The following SCRIB variants were observed in gnomAD, a reference collection of about 807,000 sequenced individuals.
SCRIB encodes the protein scribble planar cell polarity protein.
A neutral mutation model predicts 170.0 loss-of-function variants in SCRIB; 72 were observed. The observed-to-expected ratio is 0.42, with a 90% CI of 0.35 to 0.52. The LOEUF (loss-of-function observed/expected upper bound fraction) is 0.52. Ranked by LOEUF, SCRIB falls within the 20% of genes least tolerant of loss-of-function variation. SCRIB has a pLI of 0.02. For synonymous variants in SCRIB, 1,298 were observed against 1,044.3 expected, an observed-to-expected ratio of 1.24 and a Z score of -4.68; for missense variants, 2,475 against 2,338.5, an observed-to-expected ratio of 1.06 and a Z score of -1.20.
In SCRIB at chr8:143,813,649, C is replaced by G. The variant is rs776890601; in HGVS notation, c.434G>C (p.Gly145Ala). 6.2e-7 allele frequency: 1 copy of G among 1,613,390 alleles called. No homozygotes were observed. Among genetic ancestry groups the G allele is most frequent in the South Asian group, 1.1e-5 (1 of 91,086 alleles). The change falls in exon 4 of 37, where the codon GGG becomes GCG. Residue 145 changes from glycine to alanine, a missense_variant. Coordinates refer to ENST00000356994, the MANE Select transcript of SCRIB (RefSeq NM_182706.5). ...LNDVSLQALP[G>A]DVGNLANLVT... ...AGAAGGCACTCACTTGCCCACGTCCCCGGGCAGTGCCTGCAGAGACACATC... is the reference window on the plus strand; with the variant it reads ...AGAAGGCACTCACTTGCCCACGTCCGCGGGCAGTGCCTGCAGAGACACATC...
rs1815561691 is a variant in SCRIB, at chr8:143,808,816, C to T, written c.1908G>A (p.Gly636=). 1.2e-6 allele frequency: 2 copies of T among 1,612,126 alleles called. No individual in the cohort carries two copies. The highest frequency in any genetic ancestry group is 2.2e-5 in the East Asian group (1 of 44,874). The change falls in exon 15 of 37, where the codon GGG becomes GGA. Residue 636 remains glycine (G), a synonymous_variant. Transcript: ENST00000356994. ...VALLQGMQPD[G]EGPVAPGGWH... ...AGCCCCCGGGAGCCACAGGGCCCTC[C>T]CCATCAGGCTGCATGCCCTGCAGCA... is the stretch of plus-strand genomic sequence containing the variant.
At chr8:143,808,202 A>C (rs1815518612) in intron 15 of SCRIB, among the ~76,000 whole-genome samples, 1 of 152,316 alleles carries the variant, frequency 6.6e-6, no homozygotes. Context: ...GGAGACCCAC[A>C]AAGAGTGGGC....
Position 143,804,708 on chromosome 8 carries a change from TGGGA to T in SCRIB, c.2865_2868del (p.Pro956AlafsTer18), listed in dbSNP as rs1554635930. 2 of 1,582,650 alleles carry T rather than the reference TGGGA, an allele frequency of 1.3e-6. No individual in the cohort carries two copies. The highest frequency in any genetic ancestry group is 1.7e-6 in the Non-Finnish European group (2 of 1,163,528). ...GGGGGTGAGGAATGTGGCAGAGGGC[TGGGA>T]GGAAGAGGGCCCCCAGCCTCCCGCT... is the stretch of plus-strand genomic sequence containing the variant. On this transcript the variant is annotated frameshift_variant, in exon 21 of 37. Coordinates refer to ENST00000356994, the MANE Select transcript of SCRIB (RefSeq NM_182706.5). LOFTEE classifies it high-confidence loss of function.
rs782754254 is a variant in SCRIB at position 143,804,763 on chromosome 8, G to A, written c.2814C>T (p.Ala938=). The A allele has an allele frequency of 3.1e-6, 5 of 1,604,530 alleles. No individual in the cohort carries two copies. The highest frequency in any genetic ancestry group is 1.7e-4 in the Middle Eastern group (1 of 6,048). The change falls in exon 21 of 37, where the codon GCC becomes GCT. Residue 938 remains alanine (A), a synonymous_variant. Coordinates refer to ENST00000356994, the MANE Select transcript of SCRIB (RefSeq NM_182706.5). ...HDHAVSLLTA[A]SPTIALLLER... The stretch of plus-strand genomic sequence containing the variant: ...CCAACAGCAGGGCGATGGTGGGGGA[G>A]GCAGCGGTCAGCAGGGAGACGGCGT...
rs893076211 is a variant in SCRIB, at chr8:143,807,673, G to A, written c.2116-59C>T. 3.4e-5 allele frequency: 43 copies of A among 1,253,810 alleles called. No homozygotes were observed. The East Asian group carries it at 7.6e-4, about 22-fold the overall frequency. The allele number at this position is 1,253,810 out of a possible 1,614,324, so 77.7% of individuals were successfully genotyped here. A position where few individuals can be genotyped will look rare whatever the true frequency, so the allele number is the denominator to read the frequency against. On this transcript the variant is annotated intron_variant, in intron 15 of 36. Transcript: ENST00000356994. ...AGCCACCGCCAAGACCACCACCACC[G>A]CCTCACCCAGCCCCCGCCACAAGCA...
intron 13 of SCRIB, 66 bp from the exon 14 acceptor site, chr8:143,809,784 C>T (rs947870614): frequency 3.9e-6 from 6 of 1,555,048 alleles, no homozygotes; most frequent in Middle Eastern, 1.7e-4. Flanking sequence ...ACCTGGGATG[C>T]CCCCCACGTG....
chr8:143,809,138 A>C, intron 14 of SCRIB, 113 bp from the exon 15 acceptor site: 5 of 1,374,536 alleles, frequency 3.6e-6, no homozygotes, highest in Non-Finnish European at 4.9e-6. Flanking sequence ...CCGCCACACA[A>C]AGACTCAGCA....
intron 24 of SCRIB, among the ~76,000 whole-genome samples, chr8:143,801,906 G>T (rs1248293339): frequency 6.6e-6 from 1 of 152,194 alleles, no homozygotes; most frequent in South Asian, 2.1e-4. Flanking sequence ...CGGCAGGCTC[G>T]TGGGGGACCC....
At position 143,813,023 on chromosome 8, in the gene SCRIB, G is replaced by T. The variant is rs1194683616; in HGVS notation, c.642+7C>A. ...CGAAGCAGGGGGCCAGCCCCACCCTGACTCACCGGGGGCAGTGCTGACAGC... is the reference window on the plus strand; with the variant it reads ...CGAAGCAGGGGGCCAGCCCCACCCTTACTCACCGGGGGCAGTGCTGACAGC... On this transcript the variant is annotated splice_region_variant and intron_variant, in intron 7 of 36. Coordinates refer to ENST00000356994, the MANE Select transcript of SCRIB (RefSeq NM_182706.5). 1 of 1,604,098 alleles carries T rather than the reference G, an allele frequency of 6.2e-7. No individual in the cohort carries two copies. Among genetic ancestry groups the T allele is most frequent in the East Asian group, 2.2e-5 (1 of 44,472 alleles).
chr8:143,797,442 G>C (rs1814989857), intron 24 of SCRIB, among the ~76,000 whole-genome samples: 1 of 152,146 alleles, frequency 6.6e-6, no homozygotes, highest in African/African-American at 2.4e-5. Flanking sequence ...CCACCTCGGG[G>C]CCCGCTCAGA....
At chr8:143,800,033 C>A (rs551731356) in intron 24 of SCRIB, among the ~76,000 whole-genome samples, 7 of 123,474 alleles carry the variant, frequency 5.7e-5, no homozygotes, top group African/African-American at 8.9e-5. Context: ...TTGAAGCCCC[C>A]CCCCCACCCC....
rs777906611 is a variant in SCRIB at position 143,810,518 on chromosome 8, A to G, written c.1491T>C (p.Pro497=). Residue 497 remains proline (P), a synonymous_variant, in exon 13 of 37, where the codon CCT becomes CCC. Coordinates refer to ENST00000356994, the MANE Select transcript of SCRIB (RefSeq NM_182706.5). ...AGGGCGACCCAGAGTCTGGCTGGCAAGGGCAGGCCTCGCTCCGCCGCCCCT... is the reference window on the plus strand; with the variant it reads ...AGGGCGACCCAGAGTCTGGCTGGCAGGGGCAGGCCTCGCTCCGCCGCCCCT... The part of the protein sequence containing the change: ...SIEGRRSEAC[P]CQPDSGSPLP... The G allele has an allele frequency of 3.1e-6, 5 of 1,612,356 alleles. No homozygotes were observed. In the African/African-American group the frequency reaches 5.3e-5, roughly 17 times the overall value.
In SCRIB at chr8:143,809,026, C is replaced by T; in HGVS notation, c.1699-1G>A. 6.2e-7 allele frequency: 1 copy of T among 1,608,074 alleles called. No homozygotes were observed. Among genetic ancestry groups the T allele is most frequent in the Non-Finnish European group, 8.5e-7 (1 of 1,177,410 alleles). On this transcript the variant is annotated splice_acceptor_variant, in intron 14 of 36. Transcript: ENST00000356994. LOFTEE classifies it high-confidence loss of function. ...CGTCCTCTGCGAAATGCACCGTGGG[C>T]TGTGCGGACAAAAGGGTGAGGGTGG...
Position 143,804,918 on chromosome 8 carries a change from C to A in SCRIB, c.2751+16G>T. 1 of 1,537,672 alleles carries A rather than the reference C, an allele frequency of 6.5e-7. No homozygotes were observed. The highest frequency in any genetic ancestry group is 8.7e-7 in the Non-Finnish European group (1 of 1,147,730). On this transcript the variant is annotated intron_variant, in intron 20 of 36. Transcript: ENST00000356994. The stretch of plus-strand genomic sequence containing the variant: ...GGGGGGATGGGTGGGTGGGGCGGGG[C>A]CCCATCCCCACTCACAGAGAGGACG...
At position 143,791,048 on chromosome 8, in the gene SCRIB, G is replaced by T; in HGVS notation, c.*115C>A. The T allele has an allele frequency of 8.7e-7, 1 of 1,152,610 alleles. No homozygotes were observed. Among genetic ancestry groups the T allele is most frequent in the South Asian group, 3.2e-5 (1 of 31,662 alleles). 71.4% of individuals were successfully genotyped at this position (1,152,610 alleles called of 1,614,324 possible). On this transcript the variant is annotated 3_prime_UTR_variant, in exon 37 of 37. Transcript: ENST00000356994. The stretch of plus-strand genomic sequence containing the variant: ...GGGGCAGTTAGTTAGTCACAGGCCA[G>T]AACTCCTGTGGGGTCTCTTTAAAAT...
intron 23 of SCRIB, 35 bp from the exon 24 acceptor site, chr8:143,803,606 G>GGGGGTGGGGCCCAGGGCGGGCT (rs1815269293): frequency 1.3e-6 from 2 of 1,570,856 alleles, no homozygotes; most frequent in South Asian, 1.1e-5. Context: ...AGACCTGTTG[G>GGGGGTGGGGCCCAGGGCGGGCT]GGGGTGGGGC....
intron 24 of SCRIB, among the ~76,000 whole-genome samples, chr8:143,802,134 G>A (rs551429507): frequency 9.1e-4 from 138 of 152,250 alleles, no homozygotes; most frequent in Non-Finnish European, 1.7e-3. Context: ...ATGGTCCAGA[G>A]CTCGAGTCCT....
At chr8:143,800,540 C>T (rs11786637) in intron 24 of SCRIB, among the ~76,000 whole-genome samples, 133,037 of 152,286 alleles carry the variant, frequency 0.87, 58,361 homozygotes, top group East Asian at 0.95. Flanking sequence ...ACTAGGAAAG[C>T]AAGAGCCACC....
chr8:143,813,180 C>T, intron 6 of SCRIB, 76 bp from the exon 7 acceptor site: 1 of 1,586,822 alleles, frequency 6.3e-7, no homozygotes, highest in African/African-American at 1.3e-5. Context: ...GACTATACGC[C>T]CCCACACCCA....
Sources: allele counts gnomAD v4.1 joint callset (sites outside exome capture counted in the v4.1 genomes callset), GRCh38; gene constraint gnomAD v4.1.1; transcripts MANE v1.5; gene names NCBI Gene and HGNC (gene_info 2026-07-23, HGNC 2026-07-21).